Variants in TSPAN7 observed in about 807,000 individuals in gnomAD.
TSPAN7 encodes tetraspanin 7.
A neutral mutation model predicts 17.6 loss-of-function variants in TSPAN7; 1 was observed. The ratio of observed to expected loss-of-function variants is 0.06; its 90% CI spans 0.02 to 0.27. The LOEUF is 0.27. TSPAN7 is among the 10% of genes least tolerant of loss of function. TSPAN7 has a pLI of 1.00. For missense variants in TSPAN7, 112 were observed against 201.7 expected, an observed-to-expected ratio of 0.56 and a Z score of 2.69; for synonymous variants, 78 against 79.0, an observed-to-expected ratio of 0.99 and a Z score of 0.07.
At chrX:38,629,255 A>G (rs2069537666) in intron 1 of TSPAN7, among the ~76,000 whole-genome samples, 1 of 112,420 alleles carries the variant, frequency 8.9e-6, no homozygotes, top group Admixed American at 9.4e-5. Flanking sequence ...ACAGACCTGT[A>G]GCATTAAGAC....
intron 1 of TSPAN7, among the ~76,000 whole-genome samples, chrX:38,648,263 G>C (rs930234769): frequency 8.9e-6 from 1 of 111,820 alleles, no homozygotes; most frequent in African/African-American, 3.3e-5. Context: ...TGTCTCTAAT[G>C]ATTATATAAT....
chrX:38,671,493 G>A, intron 3 of TSPAN7, 43 bp downstream of exon 3: 1 of 1,140,324 alleles, frequency 8.8e-7, no homozygotes, highest in Non-Finnish European at 1.2e-6. Context: ...GGGGTGTTTG[G>A]GAGGAGGATT....
At chrX:38,658,343 G>T (rs1454556483) in intron 1 of TSPAN7, among the ~76,000 whole-genome samples, 2 of 104,552 alleles carry the variant, frequency 1.9e-5, no homozygotes, top group Non-Finnish European at 3.8e-5. Context: ...GACACACCTG[G>T]CTAATTTTTT....
At chrX:38,584,482 CT>C (rs1268840098) in intron 1 of TSPAN7, among the ~76,000 whole-genome samples, 4 of 111,497 alleles carry the variant, frequency 3.6e-5, no homozygotes, top group Non-Finnish European at 7.5e-5. Flanking sequence ...TATATCTAAA[CT>C]TGAAAATTTC....
intron 1 of TSPAN7, among the ~76,000 whole-genome samples, chrX:38,583,244 A>G (rs1387963079): frequency 3.6e-5 from 4 of 111,995 alleles, no homozygotes; most frequent in Non-Finnish European, 1.9e-5. Context: ...TGCTTAGCGA[A>G]TCTCGCTTGT....
rs747146871 is a variant in TSPAN7 at position 38,580,786 on chromosome X, G to A, written c.81+19159G>A. 1.2e-3 allele frequency among the ~76,000 whole-genome samples: 135 copies of A among 111,480 alleles called. 1 individual carries two copies. The highest frequency in any genetic ancestry group is 1.9e-3 in the Non-Finnish European group (102 of 53,091). On this transcript the variant is annotated intron_variant, in intron 1 of 7. Coordinates refer to ENST00000378482, the MANE Select transcript of TSPAN7 (RefSeq NM_004615.4). ...GAGGTCCAGAGTGTGCCCCAAGGTC[G>A]TGTTTAAAGTGAGGTTTCAACTTGG...
intron 3 of TSPAN7, among the ~76,000 whole-genome samples, chrX:38,672,245 G>A (rs1360949017): frequency 9.1e-6 from 1 of 110,232 alleles, no homozygotes; most frequent in Non-Finnish European, 1.9e-5. Context: ...AATATATACA[G>A]GTGGAAAACA....
At chrX:38,623,430 T>C (rs1041493941) in intron 1 of TSPAN7, among the ~76,000 whole-genome samples, 1 of 109,753 alleles carries the variant, frequency 9.1e-6, no homozygotes, top group Non-Finnish European at 1.9e-5. Context: ...CACCACCTTC[T>C]CTTGGCTATC....
intron 1 of TSPAN7, among the ~76,000 whole-genome samples, chrX:38,643,086 A>G (rs1229745490): frequency 1.8e-5 from 2 of 110,724 alleles, no homozygotes; most frequent in Non-Finnish European, 1.9e-5. Flanking sequence ...ATGAGGAAAG[A>G]CACAAAATTA....
chrX:38,680,539 T>TTCTCTCTCTCTC lies in TSPAN7; in HGVS notation c.598-631_598-620dup, dbSNP rs61619425. Among the ~76,000 whole-genome samples the TTCTCTCTCTCTC allele has an allele frequency of 2.2e-3, 166 of 75,589 alleles. 1 individual carries two copies. Among genetic ancestry groups the TTCTCTCTCTCTC allele is most frequent in the African/African-American group, 7.5e-3 (153 of 20,316 alleles). The allele number at this position is 75,589 out of a possible 115,157, so 65.6% of individuals were successfully genotyped here. ...AGTTTCAAATAAATATACTTACAAA[T>TTCTCTCTCTCTC]TCTCTCTCTCTCTCTCTCTCTCTCT... On this transcript the variant is annotated intron_variant, in intron 5 of 7. Transcript: ENST00000378482.
intron 1 of TSPAN7, among the ~76,000 whole-genome samples, chrX:38,567,449 A>G (rs1294672282): frequency 8.9e-6 from 1 of 112,307 alleles, no homozygotes; most frequent in East Asian, 2.8e-4. Context: ...GGAAAAACCT[A>G]CCTTCATGAT....
At chrX:38,627,833 T>C (rs992577639) in intron 1 of TSPAN7, among the ~76,000 whole-genome samples, 6 of 113,136 alleles carry the variant, frequency 5.3e-5, no homozygotes, top group African/African-American at 1.9e-4. Context: ...GTACAGACAC[T>C]AAACTGGTAA....
intron 1 of TSPAN7, among the ~76,000 whole-genome samples, chrX:38,597,446 C>G (rs1455586976): frequency 9.0e-6 from 1 of 111,198 alleles, no homozygotes; most frequent in African/African-American, 3.3e-5. Context: ...GCACAAGAAG[C>G]CTGCGATGTG....
chrX:38,581,324 C>T (rs1047463215), intron 1 of TSPAN7, among the ~76,000 whole-genome samples: 2 of 112,119 alleles, frequency 1.8e-5, no homozygotes, highest in African/African-American at 3.2e-5. Context: ...AATGGACTCA[C>T]GGTTCCACAT....
At chrX:38,609,770 T>C (rs1602097986) in intron 1 of TSPAN7, among the ~76,000 whole-genome samples, 1 of 109,828 alleles carries the variant, frequency 9.1e-6, no homozygotes, top group African/African-American at 3.3e-5. Context: ...CATTTGAAAA[T>C]AAAAAACTTG....
intron 1 of TSPAN7, among the ~76,000 whole-genome samples, chrX:38,645,235 C>T (rs185330073): frequency 3.6e-4 from 40 of 112,313 alleles, no homozygotes; most frequent in African/African-American, 1.3e-3. Context: ...CTTGCTAATT[C>T]CCAGGAGCTT....
intron 1 of TSPAN7, among the ~76,000 whole-genome samples, chrX:38,582,569 C>T (rs945127170): frequency 9.0e-6 from 1 of 111,413 alleles, no homozygotes; most frequent in African/African-American, 3.3e-5. Context: ...TCCCTTTGCA[C>T]GAGGTCTCTA....
At chrX:38,608,785 T>C (rs1412554614) in intron 1 of TSPAN7, among the ~76,000 whole-genome samples, 7 of 111,764 alleles carry the variant, frequency 6.3e-5, no homozygotes. Context: ...CCATACATTT[T>C]TTCAGTGATT....
rs1051408924 is a variant in TSPAN7 at position 38,606,000 on chromosome X, G to C, written c.81+44373G>C. ...CATTACCATTCAGGACATAGGCATG[G>C]GCAAGGACTTCATGTCTAAAACACC... On this transcript the variant is annotated intron_variant, in intron 1 of 7. Transcript: ENST00000378482. Among the ~76,000 whole-genome samples the C allele has an allele frequency of 2.8e-5, 3 of 106,769 alleles. No homozygotes were observed. In the Admixed American group the frequency reaches 3.0e-4, roughly 11 times the overall value. 92.7% of individuals were successfully genotyped at this position (106,769 alleles called of 115,157 possible). A position where few individuals can be genotyped will look rare whatever the true frequency, so the allele number is the denominator to read the frequency against.
Sources: gnomAD v4.1 joint callset for allele counts (sites outside exome capture counted in the v4.1 genomes callset) on GRCh38, gnomAD v4.1.1 for gene constraint, MANE v1.5 for transcripts, NCBI Gene and HGNC (gene_info 2026-07-23, HGNC 2026-07-21) for gene names.